The following IGSF21 variants were observed in gnomAD, a reference collection of about 807,000 sequenced individuals.
IGSF21 encodes the protein immunoglobin superfamily member 21, also known as immunoglobulin superfamily member 21.
Under a neutral mutation model 46.8 loss-of-function variants are expected in IGSF21, and 28 were observed. The ratio of observed to expected loss-of-function variants is 0.60; its 90% CI spans 0.44 to 0.82. IGSF21 has a LOEUF of 0.82. Among genes scored for constraint, IGSF21 ranks in the 40% least tolerant of loss-of-function variants. The pLI is 0.00. For synonymous variants in IGSF21, 284 were observed against 273.6 expected, an observed-to-expected ratio of 1.04 and a Z score of -0.38; for missense variants, 624 against 665.5, an observed-to-expected ratio of 0.94 and a Z score of 0.69.
intron 3 of IGSF21, among the ~76,000 whole-genome samples, chr1:18,318,461 CGTGCGT>C (rs1303605835): frequency 6.6e-5 from 6 of 90,328 alleles, no homozygotes; most frequent in African/African-American, 2.5e-4. Flanking sequence ...CGTGTGCGTG[CGTGCGT>C]GTGTGTGTGT....
intron 1 of IGSF21, among the ~76,000 whole-genome samples, chr1:18,130,123 G>A (rs867975402): frequency 2.0e-5 from 3 of 152,146 alleles, no homozygotes; most frequent in African/African-American, 7.2e-5. Context: ...ACCTCTGAGT[G>A]ACAAAAGCCC....
intron 3 of IGSF21, among the ~76,000 whole-genome samples, chr1:18,323,898 C>T (rs1014097682): frequency 2.0e-5 from 3 of 152,214 alleles, no homozygotes; most frequent in Non-Finnish European, 4.4e-5. Context: ...TTGGAATTGG[C>T]GAAAACACAT....
At chr1:18,264,556 A>G (rs1235511304) in intron 2 of IGSF21, among the ~76,000 whole-genome samples, 1 of 152,166 alleles carries the variant, frequency 6.6e-6, no homozygotes, top group African/African-American at 2.4e-5. Flanking sequence ...TTATGCTAGA[A>G]TCTCATTACA....
chr1:18,146,574 C>G (rs1277433072), intron 1 of IGSF21, among the ~76,000 whole-genome samples: 1 of 152,156 alleles, frequency 6.6e-6, no homozygotes, highest in Non-Finnish European at 1.5e-5. Flanking sequence ...GCCCACACCT[C>G]CACTCCCTTA....
At chr1:18,215,100 G>A (rs945177801) in intron 1 of IGSF21, among the ~76,000 whole-genome samples, 4 of 152,140 alleles carry the variant, frequency 2.6e-5, no homozygotes, top group African/African-American at 9.7e-5. Context: ...AGAACAGCAT[G>A]GGAGAAATCT....
chr1:18,189,370 T>G (rs1471835055), intron 1 of IGSF21, among the ~76,000 whole-genome samples: 1 of 152,196 alleles, frequency 6.6e-6, no homozygotes, highest in East Asian at 1.9e-4. Flanking sequence ...TGCAGCCGTC[T>G]CCAACCTTTT....
intron 3 of IGSF21, among the ~76,000 whole-genome samples, chr1:18,294,427 C>A (rs2085294189): frequency 6.6e-6 from 1 of 152,192 alleles, no homozygotes; most frequent in South Asian, 2.1e-4. Context: ...CACAAACAAC[C>A]CCATGAATGC....
At chr1:18,169,227 C>T (rs892434375) in intron 1 of IGSF21, among the ~76,000 whole-genome samples, 11 of 152,226 alleles carry the variant, frequency 7.2e-5, no homozygotes, top group Non-Finnish European at 1.3e-4. Flanking sequence ...CAGCTGGATC[C>T]GCCATGGAGG....
intron 3 of IGSF21, among the ~76,000 whole-genome samples, chr1:18,323,928 T>G (rs2124596753): frequency 6.6e-6 from 1 of 152,254 alleles, no homozygotes; most frequent in East Asian, 1.9e-4. Context: ...GGTCATAAAA[T>G]TCCCAGTGTC....
chr1:18,317,605 C>A (rs1388188516), intron 3 of IGSF21, among the ~76,000 whole-genome samples: 1 of 152,218 alleles, frequency 6.6e-6, no homozygotes, highest in African/African-American at 2.4e-5. Context: ...CTGGTGCACC[C>A]AATGGCTCCA....
At chr1:18,376,123 C>T in intron 6 of IGSF21, 187 bp from the exon 7 acceptor site, 1 of 604,550 alleles carries the variant, frequency 1.7e-6, no homozygotes, top group South Asian at 1.7e-5. Context: ...TGATTCATTG[C>T]ATGGGCTTAG....
chr1:18,186,471 T>A (rs2086903925), intron 1 of IGSF21, among the ~76,000 whole-genome samples: 1 of 152,162 alleles, frequency 6.6e-6, no homozygotes, highest in Non-Finnish European at 1.5e-5. Flanking sequence ...CCTAGAAAGA[T>A]CCCTCCAGAA....
chr1:18,284,150 A>C (rs1276147535), intron 2 of IGSF21, among the ~76,000 whole-genome samples: 4 of 152,160 alleles, frequency 2.6e-5, no homozygotes, highest in Non-Finnish European at 2.9e-5. Flanking sequence ...ACAAACTCAC[A>C]AAGGCACCAG....
rs115407175 is a variant in IGSF21 at position 18,300,991 on chromosome 1, T to C, written c.305+9004T>C. 2.3e-3 allele frequency among the ~76,000 whole-genome samples: 356 copies of C among 152,300 alleles called. 1 individual carries two copies. Among genetic ancestry groups the C allele is most frequent in the African/African-American group, 8.2e-3 (342 of 41,578 alleles). On this transcript the variant is annotated intron_variant, in intron 3 of 9. Transcript: ENST00000251296. ...GCTCCTGGGATAGATGCCCAGGGCC[T>C]CCGTAAAGATTTGTCGAATCAATGG...
intron 2 of IGSF21, among the ~76,000 whole-genome samples, chr1:18,252,857 TC>T (rs2124528890): frequency 6.6e-6 from 1 of 152,340 alleles, no homozygotes; most frequent in African/African-American, 2.4e-5. Context: ...ACTTTAGACT[TC>T]CCTTTTAGAA....
At chr1:18,116,343 C>G (rs2086190003) in intron 1 of IGSF21, among the ~76,000 whole-genome samples, 1 of 152,200 alleles carries the variant, frequency 6.6e-6, no homozygotes, top group Admixed American at 6.5e-5. Context: ...GGTTAATGTG[C>G]TTTGGTTTCC....
chr1:18,308,374 G>C (rs1279718314), intron 3 of IGSF21, among the ~76,000 whole-genome samples: 4 of 152,162 alleles, frequency 2.6e-5, no homozygotes, highest in Admixed American at 2.6e-4. Flanking sequence ...CAAACACGTA[G>C]TGAGCACCTC....
At position 18,365,517 on chromosome 1, in the gene IGSF21, C is replaced by T; in HGVS notation, c.835C>T (p.His279Tyr). ...GAGCCGTGAGTTTCCCCGCTGGGTC[C>T]ACAGCGCCGAGCCCACCTACTTCCT... ...VVSREFPRWV[H>Y]SAEPTYFLRH... Residue 279 changes from histidine to tyrosine, a missense_variant, in exon 6 of 10, where the codon CAC (histidine) becomes TAC (tyrosine). Transcript: ENST00000251296. This position sits in a 1 kb window ranked among gnomAD's most constrained non-coding sequence, Gnocchi z 4.8. 1 of 1,614,120 alleles carries T rather than the reference C, an allele frequency of 6.2e-7. No individual in the cohort carries two copies. Among genetic ancestry groups the T allele is most frequent in the Non-Finnish European group, 8.5e-7 (1 of 1,180,028 alleles).
At chr1:18,197,908 G>GCTT (rs1046136754) in intron 1 of IGSF21, among the ~76,000 whole-genome samples, 7 of 152,154 alleles carry the variant, frequency 4.6e-5, no homozygotes, top group Admixed American at 2.0e-4. Flanking sequence ...GTGGCCACTG[G>GCTT]CTTCTATAAG....
Sources: gnomAD v4.1 joint callset for allele counts (sites outside exome capture counted in the v4.1 genomes callset) on GRCh38, gnomAD v4.1.1 for gene constraint, Gnocchi (gnomAD v3.1) non-coding constraint, MANE v1.5 for transcripts, NCBI Gene and HGNC (gene_info 2026-07-23, HGNC 2026-07-21) for gene names.